DPP10: variants seen among roughly 807,000 people sequenced by gnomAD.
The protein encoded by DPP10 is inactive dipeptidyl peptidase 10.
Under a neutral mutation model 120.9 loss-of-function variants are expected in DPP10, and 33 were observed. The observed-to-expected ratio is 0.27, with a 90% CI of 0.21 to 0.37. The LOEUF (loss-of-function observed/expected upper bound fraction) is 0.37. Ranked by LOEUF, DPP10 falls within the 10% of genes least tolerant of loss-of-function variation. The probability of loss-of-function intolerance (pLI) is 1.00; values close to 1 mark genes in which losing one functional copy is unlikely to be tolerated. For synonymous variants in DPP10, 337 were observed against 326.1 expected, an observed-to-expected ratio of 1.03 and a Z score of -0.36; for missense variants, 816 against 942.8, an observed-to-expected ratio of 0.87 and a Z score of 1.76.
At chr2:114,977,856 T>C (rs979668477) in intron 1 of DPP10, among the ~76,000 whole-genome samples, 9 of 152,150 alleles carry the variant, frequency 5.9e-5, no homozygotes, top group East Asian at 3.8e-4. Context: ...TTTCTTTTTT[T>C]TTTTTGATTG....
chr2:115,456,559 C>T (rs1053343585), intron 3 of DPP10, among the ~76,000 whole-genome samples: 1 of 152,030 alleles, frequency 6.6e-6, no homozygotes, highest in Admixed American at 6.6e-5. Context: ...TGGAACCAGC[C>T]CAAATGCCCA....
At chr2:114,877,363 A>G (rs1297872455) in intron 1 of DPP10, among the ~76,000 whole-genome samples, 1 of 152,070 alleles carries the variant, frequency 6.6e-6, no homozygotes, top group Non-Finnish European at 1.5e-5. Flanking sequence ...AAGAAAGGAT[A>G]CATAAGGTTC....
At chr2:114,601,165 C>T (rs1692333353) in intron 1 of DPP10, among the ~76,000 whole-genome samples, 1 of 151,798 alleles carries the variant, frequency 6.6e-6, no homozygotes, top group Non-Finnish European at 1.5e-5. Context: ...CTGATACATG[C>T]TTGGCACTCT....
intron 5 of DPP10, among the ~76,000 whole-genome samples, chr2:115,681,955 G>A (rs12988671): frequency 0.093 from 14,151 of 151,714 alleles, 708 homozygotes; most frequent in South Asian, 0.14. Context: ...ACTTTTCGAA[G>A]TCATGGTTTA....
intron 1 of DPP10, among the ~76,000 whole-genome samples, chr2:115,286,526 A>ATAACATATATATATATATATAT (rs10675008): frequency 1.6e-5 from 1 of 60,946 alleles, no homozygotes; most frequent in Non-Finnish European, 3.3e-5. Context: ...ATATATATAT[A>ATAACATATATATATATATATAT]ATATATATAT....
intron 1 of DPP10, among the ~76,000 whole-genome samples, chr2:114,648,397 C>A (rs1696301765): frequency 6.6e-6 from 1 of 152,140 alleles, no homozygotes; most frequent in African/African-American, 2.4e-5. Context: ...GGAGCCTTAG[C>A]CTTAGATCTA....
At chr2:114,700,161 G>A (rs906154895) in intron 1 of DPP10, among the ~76,000 whole-genome samples, 1 of 152,066 alleles carries the variant, frequency 6.6e-6, no homozygotes, top group East Asian at 1.9e-4. Context: ...GTATGGAGGA[G>A]GAGTAACTGT....
At chr2:115,811,747 T>A (rs1261034594) in intron 19 of DPP10, among the ~76,000 whole-genome samples, 1 of 152,206 alleles carries the variant, frequency 6.6e-6, no homozygotes, top group African/African-American at 2.4e-5. Context: ...GCACTTTTTT[T>A]ATATCCTTGT....
At chr2:114,655,895 C>T (rs144374707) in intron 1 of DPP10, among the ~76,000 whole-genome samples, 1 of 151,958 alleles carries the variant, frequency 6.6e-6, no homozygotes, top group South Asian at 2.1e-4. Flanking sequence ...GAGAGTGGGA[C>T]CTAATTCTGT....
At chr2:114,782,057 A>G (rs566307738) in intron 1 of DPP10, among the ~76,000 whole-genome samples, 68 of 152,204 alleles carry the variant, frequency 4.5e-4, no homozygotes, top group African/African-American at 1.6e-3. Context: ...ATCCTGACTA[A>G]CAATGGAAGA....
At chr2:115,737,965 CAA>C (rs1175650206) in intron 8 of DPP10, among the ~76,000 whole-genome samples, 4 of 152,068 alleles carry the variant, frequency 2.6e-5, no homozygotes, top group Non-Finnish European at 4.4e-5. Context: ...CCTCTGTCAG[CAA>C]GAAGATTTGT....
chr2:115,172,965 A>G (rs901341232), intron 1 of DPP10, among the ~76,000 whole-genome samples: 3 of 152,210 alleles, frequency 2.0e-5, no homozygotes, highest in Non-Finnish European at 4.4e-5. Flanking sequence ...CAAAGCAAAC[A>G]TGGATTGGGA....
At chr2:115,370,556 C>T (rs573766455) in intron 3 of DPP10, among the ~76,000 whole-genome samples, 33 of 152,066 alleles carry the variant, frequency 2.2e-4, no homozygotes, top group African/African-American at 5.5e-4. Context: ...TGGAAAGTTA[C>T]GGTTTAATTC....
intron 1 of DPP10, among the ~76,000 whole-genome samples, chr2:115,175,664 G>A (rs1391705922): frequency 1.3e-5 from 2 of 152,282 alleles, no homozygotes; most frequent in Non-Finnish European, 1.5e-5. Flanking sequence ...AAAGACCAGC[G>A]CTATTCAATA....
chr2:115,483,461 A>G (rs1286403945), intron 3 of DPP10, among the ~76,000 whole-genome samples: 2 of 89,742 alleles, frequency 2.2e-5, no homozygotes, highest in African/African-American at 8.4e-5. Context: ...CTATCTATCT[A>G]TCTATCTATC....
At chr2:114,914,818 A>G (rs896893391) in intron 1 of DPP10, among the ~76,000 whole-genome samples, 31 of 152,184 alleles carry the variant, frequency 2.0e-4, no homozygotes, top group Admixed American at 5.2e-4. Flanking sequence ...CTCCCATGCA[A>G]TGACACCCAT....
At position 115,159,286 on chromosome 2, in the gene DPP10, G is replaced by A. The variant is rs1296189209; in HGVS notation, c.61-149953G>A. ...ATGCCGGCTAACACGGTGAAACCCCGTCTCCACTAAAAATGCAAAAAATTA... is the reference window on the plus strand; with the variant it reads ...ATGCCGGCTAACACGGTGAAACCCCATCTCCACTAAAAATGCAAAAAATTA... On this transcript the variant is annotated intron_variant, in intron 1 of 25. Transcript: ENST00000410059. 3.3e-5 allele frequency among the ~76,000 whole-genome samples: 5 copies of A among 152,026 alleles called. No individual in the cohort carries two copies. The East Asian group carries it at 5.8e-4, about 18-fold the overall frequency.
chr2:115,452,579 T>C (rs1408260728), intron 3 of DPP10, among the ~76,000 whole-genome samples: 1 of 151,964 alleles, frequency 6.6e-6, no homozygotes, highest in Admixed American at 6.6e-5. Context: ...GCAAGGTATC[T>C]GTGCCTGCTT....
intron 1 of DPP10, among the ~76,000 whole-genome samples, chr2:114,640,018 A>G (rs1006570197): frequency 6.6e-6 from 1 of 151,964 alleles, no homozygotes; most frequent in Non-Finnish European, 1.5e-5. Flanking sequence ...AGACTAAATG[A>G]TAGAAGATAA....
Sources: allele counts gnomAD v4.1 joint callset (sites outside exome capture counted in the v4.1 genomes callset), GRCh38; gene constraint gnomAD v4.1.1; transcripts MANE v1.5; gene names NCBI Gene and HGNC (gene_info 2026-07-23, HGNC 2026-07-21).